The following RFX3 variants were observed in gnomAD, a reference collection of about 807,000 sequenced individuals.
RFX3 encodes the protein transcription factor RFX3.
A neutral mutation model predicts 98.6 loss-of-function variants in RFX3; 14 were observed. The observed-to-expected ratio is 0.14, with a 90% CI of 0.09 to 0.22. The LOEUF is 0.22. Among genes scored for constraint, RFX3 ranks in the 10% least tolerant of loss-of-function variants. The pLI is 1.00. For synonymous variants in RFX3, 383 were observed against 328.4 expected, an observed-to-expected ratio of 1.17 and a Z score of -1.80; for missense variants, 639 against 926.9, an observed-to-expected ratio of 0.69 and a Z score of 4.03.
rs71324240 is a variant in RFX3 at position 3,291,390 on chromosome 9, A to AAAAAC, written c.731+1682_731+1686dup. Among the ~76,000 whole-genome samples the AAAAAC allele has an allele frequency of 5.4e-3, 757 of 139,926 alleles. 1 individual carries two copies. Among genetic ancestry groups the AAAAAC allele is most frequent in the East Asian group, 0.016 (77 of 4,916 alleles). 91.8% of individuals were successfully genotyped at this position (139,926 alleles called of 152,430 possible). On this transcript the variant is annotated intron_variant, in intron 6 of 16. Transcript: ENST00000617270. ...CCTTCTCAAAAAACAAAACAAAAAC[A>AAAAAC]AAAACAAAACAAAACAAAACAAAAC... is the stretch of plus-strand genomic sequence containing the variant.
chr9:3,465,128 G>A (rs1412645327), intron 1 of RFX3, among the ~76,000 whole-genome samples: 3 of 152,068 alleles, frequency 2.0e-5, no homozygotes, highest in Non-Finnish European at 2.9e-5. Flanking sequence ...CTTTTCCAGA[G>A]GGGAACCTTC....
intron 2 of RFX3, among the ~76,000 whole-genome samples, chr9:3,371,257 G>T (rs1370189186): frequency 6.6e-6 from 1 of 152,104 alleles, no homozygotes; most frequent in Non-Finnish European, 1.5e-5. Flanking sequence ...TTATTTGCCA[G>T]TGGAGTTAAG....
At chr9:3,296,198 G>C (rs574755359) in intron 5 of RFX3, among the ~76,000 whole-genome samples, 1 of 151,736 alleles carries the variant, frequency 6.6e-6, no homozygotes, top group Non-Finnish European at 1.5e-5. Flanking sequence ...AAAATATTTT[G>C]AGTCCAATGG....
intron 4 of RFX3, among the ~76,000 whole-genome samples, chr9:3,327,490 G>T (rs1029553946): frequency 6.6e-6 from 1 of 151,900 alleles, no homozygotes; most frequent in Non-Finnish European, 1.5e-5. Flanking sequence ...ATTTAGACAA[G>T]TACCGCACTA....
At chr9:3,448,023 T>G (rs779576739) in intron 1 of RFX3, among the ~76,000 whole-genome samples, 11 of 152,126 alleles carry the variant, frequency 7.2e-5, no homozygotes, top group Non-Finnish European at 1.5e-4. Context: ...AAGGGAAAAA[T>G]GGCCAGCCTA....
chr9:3,502,176 G>C (rs1046341922), intron 1 of RFX3, among the ~76,000 whole-genome samples: 1 of 151,340 alleles, frequency 6.6e-6, no homozygotes, highest in Non-Finnish European at 1.5e-5. Flanking sequence ...GGAGAATGGT[G>C]TGAACCCGGG....
chr9:3,447,046 A>G (rs1399488061), intron 1 of RFX3, among the ~76,000 whole-genome samples: 1 of 152,154 alleles, frequency 6.6e-6, no homozygotes, highest in Non-Finnish European at 1.5e-5. Context: ...CCTTCTCTAG[A>G]GAAGTGTTCA....
At chr9:3,422,209 C>G (rs1843506782) in intron 1 of RFX3, among the ~76,000 whole-genome samples, 1 of 152,160 alleles carries the variant, frequency 6.6e-6, no homozygotes, top group South Asian at 2.1e-4. Flanking sequence ...TGAACATTAT[C>G]CCACTCACCC....
chr9:3,499,910 C>T (rs1248008509), intron 1 of RFX3, among the ~76,000 whole-genome samples: 2 of 152,012 alleles, frequency 1.3e-5, no homozygotes, highest in Non-Finnish European at 2.9e-5. Flanking sequence ...CCATTTAGCC[C>T]TTCAACTTAA....
chr9:3,252,405 G>A (rs942653222), intron 14 of RFX3, among the ~76,000 whole-genome samples: 2 of 150,274 alleles, frequency 1.3e-5, no homozygotes, highest in Non-Finnish European at 3.0e-5. Flanking sequence ...GCCAGAGATT[G>A]GAGAGTGATG....
chr9:3,469,902 G>A (rs1342333853), intron 1 of RFX3, among the ~76,000 whole-genome samples: 1 of 150,746 alleles, frequency 6.6e-6, no homozygotes, highest in Non-Finnish European at 1.5e-5. Flanking sequence ...GCCTTAAAAA[G>A]GAAGCCTTTT....
At chr9:3,228,053 CAA>C (rs1438624040) in intron 16 of RFX3, among the ~76,000 whole-genome samples, 2 of 152,210 alleles carry the variant, frequency 1.3e-5, no homozygotes, top group East Asian at 3.9e-4. Context: ...TTTAACACCT[CAA>C]GAGACCTCCC....
chr9:3,471,548 T>C (rs1156519217), intron 1 of RFX3, among the ~76,000 whole-genome samples: 1 of 152,250 alleles, frequency 6.6e-6, no homozygotes, highest in Non-Finnish European at 1.5e-5. Context: ...TCATTAAGTA[T>C]AATTGAACTC....
In RFX3 at chr9:3,219,104, C is replaced by G. The variant is rs1384340910; in HGVS notation, c.*5938G>C. 1 of 152,062 alleles carries G rather than the reference C, an allele frequency of 6.6e-6. No individual in the cohort carries two copies. The highest frequency in any genetic ancestry group is 1.5e-5 in the Non-Finnish European group (1 of 67,994). 9.4% of individuals were successfully genotyped at this position (152,062 alleles called of 1,614,324 possible). A position where few individuals can be genotyped will look rare whatever the true frequency, so the allele number is the denominator to read the frequency against. On this transcript the variant is annotated 3_prime_UTR_variant, in exon 17 of 17. Transcript: ENST00000617270. Reference sequence around the variant, plus strand: ...TTTCTGTAACCAATGCATTGGTCACCACCATAGGTCCAAATTGATGATGGA... The same window carrying G: ...TTTCTGTAACCAATGCATTGGTCACGACCATAGGTCCAAATTGATGATGGA...
intron 4 of RFX3, among the ~76,000 whole-genome samples, chr9:3,320,927 A>T (rs1831223939): frequency 6.6e-6 from 1 of 151,546 alleles, no homozygotes; most frequent in Non-Finnish European, 1.5e-5. Context: ...CTTTTTTGAG[A>T]CAGAGTCTCT....
At chr9:3,482,445 T>A (rs976125843) in intron 1 of RFX3, among the ~76,000 whole-genome samples, 6 of 152,158 alleles carry the variant, frequency 3.9e-5, no homozygotes, top group Admixed American at 3.3e-4. Flanking sequence ...TCTTTGTACG[T>A]TTCTGTATTT....
chr9:3,514,580 G>T (rs1168551699), intron 1 of RFX3, among the ~76,000 whole-genome samples: 1 of 151,988 alleles, frequency 6.6e-6, no homozygotes, highest in Non-Finnish European at 1.5e-5. Context: ...TCCTGAGGGG[G>T]TGGTACTACA....
chr9:3,477,501 T>A (rs773453987), intron 1 of RFX3, among the ~76,000 whole-genome samples: 3 of 152,220 alleles, frequency 2.0e-5, no homozygotes, highest in African/African-American at 4.8e-5. Flanking sequence ...GTTGAAAATG[T>A]CTTCTAGCCT....
intron 1 of RFX3, among the ~76,000 whole-genome samples, chr9:3,414,975 C>T (rs1031565662): frequency 2.3e-5 from 3 of 132,638 alleles, no homozygotes; most frequent in Non-Finnish European, 3.1e-5. Context: ...TTCATATATA[C>T]ACTTATATAT....
Sources: allele counts gnomAD v4.1 joint callset (sites outside exome capture counted in the v4.1 genomes callset), GRCh38; gene constraint gnomAD v4.1.1; transcripts MANE v1.5; gene names NCBI Gene and HGNC (gene_info 2026-07-23, HGNC 2026-07-21).